The following SRI variants were observed in gnomAD, a reference collection of about 807,000 sequenced individuals.
The protein encoded by SRI is sorcin, also known as 22 kDa protein.
Under a neutral mutation model 33.3 loss-of-function variants are expected in SRI, and 30 were observed. The observed-to-expected ratio is 0.90, with a 90% confidence interval of 0.67 to 1.22. The LOEUF is 1.22. SRI is among the 50% of genes most tolerant of loss of function. The pLI, the probability that SRI is intolerant of heterozygous loss-of-function variation, is 0.00. For synonymous variants in SRI, 75 were observed against 89.9 expected, an observed-to-expected ratio of 0.83 and a Z score of 0.94; for missense variants, 243 against 250.8, an observed-to-expected ratio of 0.97 and a Z score of 0.21.
chr7:88,210,002 C>T lies in SRI; in HGVS notation c.378G>A (p.Gln126=), dbSNP rs1851534582. The change falls in exon 5 of 8, where the codon CAG becomes CAA. Residue 126 remains glutamine (Q), a synonymous_variant. Transcript: ENST00000265729. ...ACCTACCCATTGTTGTCAGGGCCTT[C>T]TGCAATTCTTGTGGGTCTACTGTTC... The part of the protein sequence containing the change: ...RSGTVDPQEL[Q]KALTTMGFRL... The T allele has an allele frequency of 6.2e-7, 1 of 1,614,018 alleles. No individual in the cohort carries two copies. The highest frequency in any genetic ancestry group is 1.1e-5 in the South Asian group (1 of 91,090).
upstream of SRI, among the ~76,000 whole-genome samples, chr7:88,223,180 A>G (rs1197448436): frequency 6.6e-6 from 1 of 152,216 alleles, no homozygotes; most frequent in African/African-American, 2.4e-5. Flanking sequence ...TCAGCTGCTA[A>G]TACTTTAGTT....
exon 1 of SRI, chr7:88,226,923 G>T: frequency 1.2e-6 from 2 of 1,613,710 alleles, no homozygotes; most frequent in Non-Finnish European, 1.7e-6. Flanking sequence ...ATCTTGAGTT[G>T]AAGTCTTATA....
chr7:88,213,333 C>A (rs1055272137), intron 3 of SRI, among the ~76,000 whole-genome samples: 6 of 152,186 alleles, frequency 3.9e-5, no homozygotes, highest in African/African-American at 1.4e-4. Flanking sequence ...TAAGGTAACA[C>A]ACTTATTTTG....
chr7:88,219,658 G>T (rs1851833794), intron 1 of SRI, among the ~76,000 whole-genome samples: 1 of 151,102 alleles, frequency 6.6e-6, no homozygotes. Context: ...GGGGTGGGGT[G>T]GGGTGGGGGT....
chr7:88,210,235 A>T (rs749216442), intron 4 of SRI, 105 bp from the exon 5 acceptor site: 19 of 1,267,286 alleles, frequency 1.5e-5, no homozygotes, highest in Non-Finnish European at 2.1e-5. Context: ...TAAAAAAGTT[A>T]TTGTAGATTA....
chr7:88,221,529 G>A (rs903321841), upstream of SRI, among the ~76,000 whole-genome samples: 6 of 152,306 alleles, frequency 3.9e-5, no homozygotes, highest in East Asian at 3.9e-4. Flanking sequence ...GGCCGAACTC[G>A]ATGTTGAGTA....
intron 1 of SRI, chr7:88,219,545 TTTG>T (rs766768964): frequency 0.046 from 6,751 of 148,258 alleles, 164 homozygotes; most frequent in South Asian, 0.097. Flanking sequence ...TCGTTTTTTG[TTTG>T]TTTGTTTGTT....
upstream of SRI, among the ~76,000 whole-genome samples, chr7:88,222,775 G>T (rs942007196): frequency 2.0e-5 from 3 of 152,192 alleles, no homozygotes; most frequent in Non-Finnish European, 4.4e-5. Context: ...AATAAATGGT[G>T]CTGGGAAAAC....
chr7:88,219,308 C>G (rs190217769), intron 1 of SRI: 1 of 302,602 alleles, frequency 3.3e-6, no homozygotes, highest in Non-Finnish European at 6.5e-6. Context: ...ATTTTAAGAG[C>G]GTTTTATGAA....
Position 88,219,057 on chromosome 7 carries a change from C to T in SRI, c.52-115G>A. ...GCCCGCCTGCCCGCCCTTCACAAGG[C>T]TCACCTCCCCACCACCGGGCACACT... On this transcript the variant is annotated intron_variant, in intron 1 of 7. Transcript: ENST00000265729. The T allele has an allele frequency of 9.9e-6, 8 of 810,990 alleles. No individual in the cohort carries two copies. In the South Asian group the frequency reaches 1.1e-4, roughly 11 times the overall value. The allele number at this position is 810,990 out of a possible 1,614,324, so 50.2% of individuals were successfully genotyped here.
chr7:88,226,913 A>C (rs755999110), exon 1 of SRI: 1 of 1,613,760 alleles, frequency 6.2e-7, no homozygotes, highest in Admixed American at 1.7e-5. Flanking sequence ...ACTTGCCTGC[A>C]TCTTGAGTTG....
In SRI at chr7:88,206,011, C is replaced by A. The variant is rs1461691055; in HGVS notation, c.*467G>T. On this transcript the variant is annotated 3_prime_UTR_variant, in exon 8 of 8. Coordinates refer to ENST00000265729, the MANE Select transcript of SRI (RefSeq NM_003130.4). ...CGTGTGCTAAACTTCTAAGGTGAATCCTGACGTGGATTACTGGATTACCTT... is the reference window on the plus strand; with the variant it reads ...CGTGTGCTAAACTTCTAAGGTGAATACTGACGTGGATTACTGGATTACCTT... 2 of 170,678 alleles carry A rather than the reference C, an allele frequency of 1.2e-5. No individual in the cohort carries two copies. The highest frequency in any genetic ancestry group is 3.1e-4 in the East Asian group (2 of 6,534). 10.6% of individuals were successfully genotyped at this position (170,678 alleles called of 1,614,324 possible). A position where few individuals can be genotyped will look rare whatever the true frequency, so the allele number is the denominator to read the frequency against.
chr7:88,209,159 ATAAAT>A (rs1851505688), intron 6 of SRI, 175 bp downstream of exon 6: 1 of 470,978 alleles, frequency 2.1e-6, no homozygotes, highest in African/African-American at 2.0e-5. Context: ...CTAATCTAAA[ATAAAT>A]TCTGGAAAAA....
In SRI at chr7:88,210,013, G is replaced by T; in HGVS notation, c.367C>A (p.Gln123Lys). ...DTDRSGTVDP[Q>K]ELQKALTTMG... is the part of the protein sequence containing the mutation. ...GTTGTCAGGGCCTTCTGCAATTCTT[G>T]TGGGTCTACTGTTCCACTCCTGTCA... Residue 123 changes from glutamine to lysine, a missense_variant, in exon 5 of 8, where the codon CAA (glutamine) becomes AAA (lysine). By Grantham distance (53) the Gln-to-Lys change is moderately conservative. Coordinates refer to ENST00000265729, the MANE Select transcript of SRI (RefSeq NM_003130.4). 2 of 1,614,138 alleles carry T rather than the reference G, an allele frequency of 1.2e-6. No homozygotes were observed. Among genetic ancestry groups the T allele is most frequent in the South Asian group, 1.1e-5 (1 of 91,088 alleles).
intron 4 of SRI, 88 bp from the exon 5 acceptor site, chr7:88,210,218 CAATGGCTAAA>C (rs796334068): frequency 7.1e-7 from 1 of 1,406,830 alleles, no homozygotes; most frequent in African/African-American, 1.4e-5. Flanking sequence ...ATTCAATATT[CAATGGCTAAA>C]AAAGTTATTG....
At chr7:88,209,837 A>G in intron 5 of SRI, 146 bp downstream of exon 5, 1 of 1,022,714 alleles carries the variant, frequency 9.8e-7, no homozygotes. Context: ...GCTGGTCTCG[A>G]ACTCCCGAGC....
At chr7:88,214,907 G>A (rs1279140440) in intron 3 of SRI, 1 of 960,756 alleles carries the variant, frequency 1.0e-6, no homozygotes, top group Non-Finnish European at 1.5e-6. Context: ...ACCTCCAGCT[G>A]TTTCTCTCAA....
intron 3 of SRI, 143 bp from the exon 4 acceptor site, chr7:88,211,068 G>T: frequency 1.5e-6 from 1 of 687,838 alleles, no homozygotes; most frequent in Non-Finnish European, 2.4e-6. Flanking sequence ...CTAATCATAT[G>T]GAACTTCAAA....
Position 88,210,853 on chromosome 7 carries a change from T to C in SRI, c.249+29A>G, listed in dbSNP as rs145544631. ...TCCTTTAGAATTTTAGAAAAAATTATTCTAGACAACAATCAAAGTAAAGGA... is the reference window on the plus strand; with the variant it reads ...TCCTTTAGAATTTTAGAAAAAATTACTCTAGACAACAATCAAAGTAAAGGA... On this transcript the variant is annotated intron_variant, in intron 4 of 7. Coordinates refer to ENST00000265729, the MANE Select transcript of SRI (RefSeq NM_003130.4). 1,513 of 1,606,992 alleles carry C rather than the reference T, an allele frequency of 9.4e-4. 17 individuals are homozygous for C. Among genetic ancestry groups the C allele is most frequent in the South Asian group, 5.5e-3 (493 of 90,188 alleles).
Sources: allele counts gnomAD v4.1 joint callset (sites outside exome capture counted in the v4.1 genomes callset), GRCh38; gene constraint gnomAD v4.1.1; transcripts MANE v1.5; gene names NCBI Gene and HGNC (gene_info 2026-07-23, HGNC 2026-07-21).